SORCS1: variants seen among roughly 807,000 people sequenced by gnomAD.
The protein encoded by SORCS1 is sortilin related VPS10 domain containing receptor 1, also known as VPS10 domain-containing receptor SorCS1.
Under a neutral mutation model 146.1 loss-of-function variants are expected in SORCS1, and 60 were observed. That is an observed-to-expected ratio of 0.41 (90% confidence interval 0.33 to 0.51). The LOEUF is 0.51. Among genes scored for constraint, SORCS1 ranks in the 20% least tolerant of loss-of-function variants. SORCS1 has a pLI of 0.21. For missense variants in SORCS1, 1,352 were observed against 1,487.6 expected (o/e 0.91, Z 1.50); for synonymous variants, 637 against 584.0 (o/e 1.09, Z -1.31).
chr10:107,039,332 G>GAAAA (rs58915918), intron 1 of SORCS1, among the ~76,000 whole-genome samples: 5 of 109,930 alleles, frequency 4.5e-5, no homozygotes, highest in African/African-American at 1.5e-4. Flanking sequence ...CTCAAATAAA[G>GAAAA]AAAAAAAAAA....
At chr10:106,587,029 G>A (rs1044312601) in intron 24 of SORCS1, among the ~76,000 whole-genome samples, 7 of 152,062 alleles carry the variant, frequency 4.6e-5, no homozygotes, top group South Asian at 2.1e-4. Flanking sequence ...ATCATATTGC[G>A]GGGAGGGATA....
intron 2 of SORCS1, among the ~76,000 whole-genome samples, chr10:106,902,531 G>A (rs982185059): frequency 3.3e-5 from 5 of 152,132 alleles, no homozygotes; most frequent in Admixed American, 2.6e-4. Context: ...CTTAAAAAAT[G>A]CACGGCTTAT....
intron 5 of SORCS1, among the ~76,000 whole-genome samples, chr10:106,748,776 C>T (rs1446695361): frequency 6.6e-6 from 1 of 152,118 alleles, no homozygotes; most frequent in Admixed American, 6.5e-5. Flanking sequence ...CAATCCTTTC[C>T]TTTTGTCTTC....
At chr10:106,718,912 A>C (rs1855583259) in intron 6 of SORCS1, among the ~76,000 whole-genome samples, 1 of 152,202 alleles carries the variant, frequency 6.6e-6, no homozygotes, top group Admixed American at 6.5e-5. Flanking sequence ...AGCTAGACAC[A>C]GACCGCTGAT....
At chr10:106,646,326 G>A (rs1199064100) in intron 18 of SORCS1, among the ~76,000 whole-genome samples, 8 of 152,052 alleles carry the variant, frequency 5.3e-5, no homozygotes, top group Non-Finnish European at 5.9e-5. Flanking sequence ...TATACTAAAT[G>A]GGTTTTCTTT....
chr10:106,919,742 T>G (rs976879971), intron 2 of SORCS1, among the ~76,000 whole-genome samples: 1 of 152,190 alleles, frequency 6.6e-6, no homozygotes, highest in Non-Finnish European at 1.5e-5. Context: ...AAAGTCACAC[T>G]TTTTTCTATA....
At chr10:106,892,030 C>T (rs1261421095) in intron 2 of SORCS1, among the ~76,000 whole-genome samples, 2 of 152,174 alleles carry the variant, frequency 1.3e-5, no homozygotes, top group Non-Finnish European at 2.9e-5. Flanking sequence ...CTATGCCAGA[C>T]TACATTTGCA....
chr10:106,968,094 C>T (rs530301134), intron 1 of SORCS1, among the ~76,000 whole-genome samples: 10 of 151,824 alleles, frequency 6.6e-5, no homozygotes, highest in Admixed American at 6.6e-4. Context: ...CCTGTAGTCC[C>T]AGTTACTCGG....
intron 1 of SORCS1, among the ~76,000 whole-genome samples, chr10:107,035,641 A>G (rs1240574240): frequency 6.6e-6 from 1 of 152,154 alleles, no homozygotes; most frequent in African/African-American, 2.4e-5. Flanking sequence ...ATCACCTACA[A>G]TTTGGGCTTT....
intron 2 of SORCS1, among the ~76,000 whole-genome samples, chr10:106,854,780 G>A (rs1437225244): frequency 6.6e-6 from 1 of 151,926 alleles, no homozygotes; most frequent in African/African-American, 2.4e-5. Flanking sequence ...TTGTATTATT[G>A]ATGTCATTCA....
intron 2 of SORCS1, among the ~76,000 whole-genome samples, chr10:106,924,838 CA>C (rs1952933609): frequency 1.3e-5 from 2 of 149,300 alleles, no homozygotes; most frequent in Non-Finnish European, 3.0e-5. Flanking sequence ...CAAGAATGGA[CA>C]AGCAAGATGT....
chr10:106,738,718 G>A (rs534943395), intron 5 of SORCS1, among the ~76,000 whole-genome samples: 75 of 152,330 alleles, frequency 4.9e-4, no homozygotes, highest in East Asian at 1.7e-3. Flanking sequence ...ATTGCTCAGC[G>A]CAGTGGCTCA....
At chr10:106,673,893 G>A (rs190767712) in intron 14 of SORCS1, among the ~76,000 whole-genome samples, 80 of 152,262 alleles carry the variant, frequency 5.3e-4, no homozygotes, top group Middle Eastern at 3.4e-3. Context: ...TTTAAAATCT[G>A]TTTTGAAAAT....
rs1406592213 is a variant in SORCS1, at chr10:106,679,278, T to A, written c.1718A>T (p.Asp573Val). Residue 573 changes from aspartate to valine, a missense_variant, in exon 12 of 26, where the codon GAT becomes GTT. By Grantham distance (152) the Asp-to-Val change is radical. Around this residue, in one of 3 missense-constraint regions of SORCS1, gnomAD observed 648 missense variants for 793.8 expected, o/e 0.82. Transcript: ENST00000263054. ...TACCTGTCTCCAGGTGTTCCCTGCA[T>A]CTGAAGAGACAAACATGCTGATGTC... The part of the protein sequence containing the change: ...DTDISMFVSS[D>V]AGNTWRQIFE... 1 of 1,613,372 alleles carries A rather than the reference T, an allele frequency of 6.2e-7. No homozygotes were observed. The highest frequency in any genetic ancestry group is 8.5e-7 in the Non-Finnish European group (1 of 1,179,492).
intron 2 of SORCS1, among the ~76,000 whole-genome samples, chr10:106,953,430 G>T (rs1355061681): frequency 6.6e-6 from 1 of 151,954 alleles, no homozygotes; most frequent in Non-Finnish European, 1.5e-5. Context: ...TGATAGTGTT[G>T]TGTTGTTTTT....
intron 2 of SORCS1, among the ~76,000 whole-genome samples, chr10:106,937,972 GAA>G (rs76116094): frequency 0.43 from 56,023 of 129,254 alleles, 13,627 homozygotes; most frequent in Non-Finnish European, 0.57. Flanking sequence ...TCAAAAAGAA[GAA>G]AAAAAAAAAA....
intron 18 of SORCS1, among the ~76,000 whole-genome samples, chr10:106,643,043 GTTC>G (rs759336620): frequency 6.6e-6 from 1 of 152,190 alleles, no homozygotes; most frequent in Non-Finnish European, 1.5e-5. Context: ...GCTACATGAA[GTTC>G]TTCTTAGAAA....
In SORCS1 at chr10:106,751,463, T is replaced by C. The variant is rs145038534; in HGVS notation, c.959+10125A>G. ...CCATATTCTGAAATGTATCAAGACC[T>C]GTCAAAATCAGCAGTAAAGGACAGG... On this transcript the variant is annotated intron_variant, in intron 5 of 25. Transcript: ENST00000263054. Among the ~76,000 whole-genome samples, 806 of 152,306 alleles carry C rather than the reference T, an allele frequency of 5.3e-3. 9 individuals carry two copies. Among genetic ancestry groups the C allele is most frequent in the African/African-American group, 0.019 (788 of 41,560 alleles).
At chr10:106,866,969 C>T (rs1950241982) in intron 2 of SORCS1, among the ~76,000 whole-genome samples, 3 of 152,168 alleles carry the variant, frequency 2.0e-5, no homozygotes, top group Admixed American at 2.0e-4. Flanking sequence ...GTCACCACAC[C>T]AGTACTCCTC....
Sources: gnomAD v4.1 joint callset for allele counts (sites outside exome capture counted in the v4.1 genomes callset) on GRCh38, gnomAD v4.1.1 for gene constraint, gnomAD v4.1.1 regional missense constraint, MANE v1.5 for transcripts, NCBI Gene and HGNC (gene_info 2026-07-23, HGNC 2026-07-21) for gene names.